Variants in CUL1 observed in about 807,000 individuals in gnomAD.
The protein encoded by CUL1 is cullin-1.
A neutral mutation model predicts 118.0 loss-of-function variants in CUL1; 24 were observed. The ratio of observed to expected loss-of-function variants is 0.20; its 90% CI spans 0.15 to 0.29. The LOEUF is 0.29. Ranked by LOEUF, CUL1 falls within the 10% of genes least tolerant of loss-of-function variation. CUL1 has a pLI of 1.00. For missense variants in CUL1, 361 were observed against 933.8 expected, an observed-to-expected ratio of 0.39 and a Z score of 7.99; for synonymous variants, 332 against 340.4, an observed-to-expected ratio of 0.98 and a Z score of 0.27.
At chr7:148,728,520 A>G (rs533894865) in intron 1 of CUL1, among the ~76,000 whole-genome samples, 5 of 152,306 alleles carry the variant, frequency 3.3e-5, no homozygotes, top group East Asian at 1.9e-4. Flanking sequence ...ACCCTCCCCA[A>G]GTAGATGATG....
At chr7:148,756,480 C>T (rs1290560756) in intron 3 of CUL1, among the ~76,000 whole-genome samples, 1 of 152,102 alleles carries the variant, frequency 6.6e-6, no homozygotes, top group Admixed American at 6.5e-5. Flanking sequence ...GGACTACAGG[C>T]ATGTGCCACC....
intron 1 of CUL1, among the ~76,000 whole-genome samples, chr7:148,726,590 A>G (rs1798592082): frequency 6.6e-6 from 1 of 152,146 alleles, no homozygotes; most frequent in South Asian, 2.1e-4. Flanking sequence ...CACTTTAAAA[A>G]CGGAAGAACC....
chr7:148,756,945 A>G, intron 3 of CUL1, 38 bp from the exon 4 acceptor site: 2 of 1,435,816 alleles, frequency 1.4e-6, no homozygotes, highest in African/African-American at 1.4e-5. Flanking sequence ...TAATGTGACA[A>G]ATTAGTCATC....
At chr7:148,789,519 A>G (rs1800937218) in intron 14 of CUL1, among the ~76,000 whole-genome samples, 1 of 152,092 alleles carries the variant, frequency 6.6e-6, no homozygotes, top group Non-Finnish European at 1.5e-5. Context: ...GTGGAAGCAA[A>G]ATGAAGACTC....
chr7:148,750,788 T>C (rs549173309), intron 2 of CUL1, among the ~76,000 whole-genome samples: 1 of 152,282 alleles, frequency 6.6e-6, no homozygotes, highest in African/African-American at 2.4e-5. Context: ...CTTACCATTC[T>C]GAAAATCCTA....
At chr7:148,730,695 C>A (rs904722708) in intron 2 of CUL1, among the ~76,000 whole-genome samples, 1 of 152,314 alleles carries the variant, frequency 6.6e-6, no homozygotes. Context: ...GTAGTTGTGT[C>A]AGAAACAGTT....
intron 9 of CUL1, among the ~76,000 whole-genome samples, chr7:148,779,144 C>T (rs957573199): frequency 4.6e-5 from 7 of 152,118 alleles, no homozygotes; most frequent in East Asian, 3.8e-4. Flanking sequence ...ATTTTCTCTT[C>T]GTGAAATTGG....
intron 3 of CUL1, among the ~76,000 whole-genome samples, chr7:148,754,467 G>A (rs1242479543): frequency 6.6e-6 from 1 of 152,104 alleles, no homozygotes; most frequent in African/African-American, 2.4e-5. Flanking sequence ...TCACCACCGT[G>A]CCCAGCTCTT....
chr7:148,791,581 C>T (rs1286114054), intron 16 of CUL1, among the ~76,000 whole-genome samples: 2 of 152,192 alleles, frequency 1.3e-5, no homozygotes, highest in Non-Finnish European at 2.9e-5. Context: ...GTGTGTCTGC[C>T]GTGTTAAGGC....
intron 1 of CUL1, among the ~76,000 whole-genome samples, chr7:148,728,125 C>T (rs1798645344): frequency 1.3e-5 from 2 of 152,110 alleles, no homozygotes; most frequent in Admixed American, 6.6e-5. Context: ...AAATGAAGTC[C>T]GTAGCAGTTG....
chr7:148,721,769 G>A (rs546948321), intron 1 of CUL1, among the ~76,000 whole-genome samples: 7 of 152,018 alleles, frequency 4.6e-5, no homozygotes, highest in East Asian at 1.9e-4. Context: ...GTGTTGAAGC[G>A]TGTAGCTGAA....
intron 1 of CUL1, among the ~76,000 whole-genome samples, 154 bp downstream of exon 1, chr7:148,699,183 AATGGCGGCCGGGCCGG>A (rs1797625007): frequency 6.6e-6 from 1 of 151,654 alleles, no homozygotes; most frequent in South Asian, 2.1e-4. Context: ...GGCCGGGCAG[AATGGCGGCCGGGCCGG>A]GGGACTCGTG....
intron 9 of CUL1, among the ~76,000 whole-genome samples, chr7:148,773,359 G>A (rs1800284077): frequency 1.3e-5 from 2 of 151,778 alleles, no homozygotes; most frequent in South Asian, 4.2e-4. Flanking sequence ...TCTTAGTCCT[G>A]CTTTTAAGGC....
rs766780739 is a variant in CUL1, at chr7:148,754,023, G to A, written c.188G>A (p.Arg63Gln). Reference protein sequence around the residue: ...CTSVHQSNQARGAGVPPSKSK... With the variant: ...CTSVHQSNQAQGAGVPPSKSK... ...AGTGTTCACCAGTCAAACCAAGCACGAGGAGCTGGAGTTCCTCCTTCTAAG... is the reference window on the plus strand; with the variant it reads ...AGTGTTCACCAGTCAAACCAAGCACAAGGAGCTGGAGTTCCTCCTTCTAAG... Residue 63 changes from arginine to glutamine, a missense_variant, in exon 3 of 22, where the codon CGA (arginine) becomes CAA (glutamine). Coordinates refer to ENST00000325222, the MANE Select transcript of CUL1 (RefSeq NM_003592.3). 2 of 1,613,504 alleles carry A rather than the reference G, an allele frequency of 1.2e-6. No homozygotes were observed. The highest frequency in any genetic ancestry group is 1.7e-6 in the Non-Finnish European group (2 of 1,179,852).
intron 1 of CUL1, among the ~76,000 whole-genome samples, chr7:148,700,843 C>G (rs939329802): frequency 6.6e-6 from 1 of 152,186 alleles, no homozygotes; most frequent in South Asian, 2.1e-4. Context: ...ATAAAAGCCT[C>G]CCTCCCTGAG....
intron 7 of CUL1, among the ~76,000 whole-genome samples, chr7:148,763,674 C>T (rs1030516851): frequency 8.5e-5 from 13 of 152,150 alleles, no homozygotes; most frequent in African/African-American, 3.1e-4. Context: ...AAGAGCAAAG[C>T]TAATGTATTT....
intron 2 of CUL1, among the ~76,000 whole-genome samples, chr7:148,733,562 A>T (rs1005267936): frequency 6.6e-6 from 1 of 152,212 alleles, no homozygotes; most frequent in African/African-American, 2.4e-5. Flanking sequence ...TGGTCATTTT[A>T]AAATAATCTC....
chr7:148,763,399 A>G (rs574575449), intron 7 of CUL1, among the ~76,000 whole-genome samples: 12 of 152,332 alleles, frequency 7.9e-5, no homozygotes, highest in African/African-American at 2.2e-4. Context: ...CAGAGAGTCT[A>G]TAAGCATAAA....
chr7:148,789,654 G>A, intron 14 of CUL1, 96 bp from the exon 15 acceptor site: 1 of 870,054 alleles, frequency 1.1e-6, no homozygotes, highest in South Asian at 1.5e-5. Context: ...TTAATAAAGA[G>A]CAATCCACAT....
Sources: gnomAD v4.1 joint callset for allele counts (sites outside exome capture counted in the v4.1 genomes callset) on GRCh38, gnomAD v4.1.1 for gene constraint, MANE v1.5 for transcripts, NCBI Gene and HGNC (gene_info 2026-07-23, HGNC 2026-07-21) for gene names.